The following AGBL4 variants were observed in gnomAD, a reference collection of about 807,000 sequenced individuals.
The protein encoded by AGBL4 is AGBL carboxypeptidase 4.
AGBL4 carries 58 observed loss-of-function variants against 66.4 expected under a neutral mutation model. That is an observed-to-expected ratio of 0.87 (90% CI 0.71 to 1.09). The LOEUF is 1.09. AGBL4 is among the 50% of genes least tolerant of loss of function. The pLI is 0.00. For missense variants in AGBL4, 579 were observed against 631.0 expected (o/e 0.92, Z 0.88); for synonymous variants, 234 against 222.9 (o/e 1.05, Z -0.44).
rs974314222 is a variant in AGBL4 at position 49,816,582 on chromosome 1, C to A, written c.157+34814G>T. Among the ~76,000 whole-genome samples the A allele has an allele frequency of 2.7e-4, 41 of 152,188 alleles. 1 individual carries two copies. The highest frequency in any genetic ancestry group is 9.4e-4 in the African/African-American group (39 of 41,526). ...TAGAGGGCAAGGGTTCAGGCAATAACCTACGCTTGAAGAGATACTAATTCT... is the reference window on the plus strand; with the variant it reads ...TAGAGGGCAAGGGTTCAGGCAATAAACTACGCTTGAAGAGATACTAATTCT... On this transcript the variant is annotated intron_variant, in intron 2 of 13. Coordinates refer to ENST00000371839, the MANE Select transcript of AGBL4 (RefSeq NM_032785.4).
At chr1:50,014,366 CG>C (rs1661780686) in intron 1 of AGBL4, among the ~76,000 whole-genome samples, 1 of 145,004 alleles carries the variant, frequency 6.9e-6, no homozygotes, top group African/African-American at 2.6e-5. Flanking sequence ...GACTTTGTCT[CG>C]AAAAAAAAAA....
At chr1:49,237,893 TG>T (rs1357780470) in intron 4 of AGBL4, among the ~76,000 whole-genome samples, 1 of 152,070 alleles carries the variant, frequency 6.6e-6, no homozygotes, top group Non-Finnish European at 1.5e-5. Flanking sequence ...ATAAGTCTGC[TG>T]GCAAAAATAC....
intron 3 of AGBL4, among the ~76,000 whole-genome samples, chr1:49,474,594 C>G (rs1557974591): frequency 1.3e-5 from 2 of 148,210 alleles, no homozygotes. Flanking sequence ...TCAGCTTGAA[C>G]TTTTTTTTTT....
At chr1:48,654,717 G>A (rs181124124) in intron 7 of AGBL4, among the ~76,000 whole-genome samples, 38 of 152,298 alleles carry the variant, frequency 2.5e-4, no homozygotes, top group African/African-American at 4.1e-4. Flanking sequence ...ATGATAACTC[G>A]CTCCAGAGCA....
At chr1:49,784,367 C>A (rs1285147469) in intron 2 of AGBL4, among the ~76,000 whole-genome samples, 1 of 152,014 alleles carries the variant, frequency 6.6e-6, no homozygotes, top group East Asian at 1.9e-4. Flanking sequence ...GTGCCAAGAC[C>A]ATTTGATAGA....
rs1557608919 is a variant in AGBL4, at chr1:49,948,212, AAATATATAT to A, written c.34+75542_34+75550del. Among the ~76,000 whole-genome samples the A allele has an allele frequency of 6.1e-5, 4 of 65,384 alleles. No individual in the cohort carries two copies. The East Asian group carries it at 4.4e-3, about 72-fold the overall frequency. The allele number at this position is 65,384 out of a possible 152,430, so 42.9% of individuals were successfully genotyped here. On this transcript the variant is annotated intron_variant, in intron 1 of 13. Coordinates refer to ENST00000371839, the MANE Select transcript of AGBL4 (RefSeq NM_032785.4). ...TAAATATATATAAATATAAATATAT[AAATATATAT>A]AAATATATATAAATATATAAATAAA...
chr1:48,752,163 A>G (rs1283411211), intron 6 of AGBL4, among the ~76,000 whole-genome samples: 3 of 152,184 alleles, frequency 2.0e-5, no homozygotes, highest in Admixed American at 2.0e-4. Context: ...CTAACTAGAC[A>G]AAATGGCTCT....
intron 6 of AGBL4, among the ~76,000 whole-genome samples, chr1:48,835,694 A>G (rs949080646): frequency 6.6e-6 from 1 of 152,164 alleles, no homozygotes; most frequent in African/African-American, 2.4e-5. Context: ...AAAATAATCT[A>G]ACTAAAAACA....
At chr1:48,828,567 T>G (rs1646482259) in intron 6 of AGBL4, among the ~76,000 whole-genome samples, 1 of 152,198 alleles carries the variant, frequency 6.6e-6, no homozygotes, top group Non-Finnish European at 1.5e-5. Flanking sequence ...TTGGAGTGAT[T>G]TTTTTTCTTG....
At chr1:49,831,453 G>A (rs1233323183) in intron 2 of AGBL4, among the ~76,000 whole-genome samples, 1 of 152,010 alleles carries the variant, frequency 6.6e-6, no homozygotes, top group Admixed American at 6.6e-5. Context: ...TTTGCATATT[G>A]ATTTTGTATC....
At chr1:49,409,506 C>A (rs571365696) in intron 3 of AGBL4, among the ~76,000 whole-genome samples, 1 of 152,188 alleles carries the variant, frequency 6.6e-6, no homozygotes, top group African/African-American at 2.4e-5. Flanking sequence ...GGTGCAAACA[C>A]AACCCAGAGA....
intron 2 of AGBL4, among the ~76,000 whole-genome samples, chr1:49,813,072 T>C (rs1645139412): frequency 6.6e-6 from 1 of 152,138 alleles, no homozygotes; most frequent in Admixed American, 6.6e-5. Context: ...TCCTAGAATG[T>C]TCCGGGTTGA....
At chr1:49,493,087 GTCCCCA>G (rs1647237728) in intron 3 of AGBL4, among the ~76,000 whole-genome samples, 2 of 152,034 alleles carry the variant, frequency 1.3e-5, no homozygotes, top group East Asian at 3.9e-4. Context: ...GGAGGTAACT[GTCCCCA>G]TGATTAAATT....
intron 8 of AGBL4, among the ~76,000 whole-genome samples, chr1:48,645,941 T>A (rs1277688522): frequency 6.6e-6 from 1 of 151,950 alleles, no homozygotes; most frequent in Admixed American, 6.6e-5. Context: ...CCTGGAGCAG[T>A]GGTGGGATTG....
intron 3 of AGBL4, among the ~76,000 whole-genome samples, chr1:49,534,032 A>G (rs1350277000): frequency 2.6e-5 from 4 of 152,050 alleles, no homozygotes; most frequent in Admixed American, 2.0e-4. Flanking sequence ...ATAATACTCT[A>G]TCAACTTTCT....
At chr1:49,832,523 G>T (rs1242688105) in intron 2 of AGBL4, among the ~76,000 whole-genome samples, 1 of 151,410 alleles carries the variant, frequency 6.6e-6, no homozygotes, top group African/African-American at 2.4e-5. Context: ...GTAATGGGAT[G>T]GCTGGGTCAA....
intron 3 of AGBL4, among the ~76,000 whole-genome samples, chr1:49,578,652 G>A (rs544429671): frequency 6.6e-6 from 1 of 152,118 alleles, no homozygotes; most frequent in African/African-American, 2.4e-5. Context: ...CTTCATATCA[G>A]CATTTAAGTA....
At chr1:49,304,668 G>A (rs1047138054) in intron 3 of AGBL4, among the ~76,000 whole-genome samples, 1 of 152,048 alleles carries the variant, frequency 6.6e-6, no homozygotes, top group African/African-American at 2.4e-5. Flanking sequence ...ATTGTGAAAT[G>A]CAAATTTAAA....
At chr1:48,976,246 T>TA (rs2148959130) in intron 5 of AGBL4, among the ~76,000 whole-genome samples, 1 of 152,294 alleles carries the variant, frequency 6.6e-6, no homozygotes, top group East Asian at 1.9e-4. Context: ...GGATGTCAGT[T>TA]AGTCTCCTTA....
Sources: gnomAD v4.1 joint callset for allele counts (sites outside exome capture counted in the v4.1 genomes callset) on GRCh38, gnomAD v4.1.1 for gene constraint, MANE v1.5 for transcripts, NCBI Gene and HGNC (gene_info 2026-07-23, HGNC 2026-07-21) for gene names.